ROS1: variants seen among roughly 807,000 people sequenced by gnomAD.
The protein encoded by ROS1 is proto-oncogene tyrosine-protein kinase ROS.
A neutral mutation model predicts 273.5 loss-of-function variants in ROS1; 263 were observed. The ratio of observed to expected loss-of-function variants is 0.96; its 90% confidence interval spans 0.87 to 1.06. The LOEUF (loss-of-function observed/expected upper bound fraction) is 1.06. Among genes scored for constraint, ROS1 ranks in the 50% least tolerant of loss-of-function variants. ROS1 has a pLI of 0.00. For synonymous variants in ROS1, 1,008 were observed against 954.1 expected (o/e 1.06, Z -1.04); for missense variants, 2,833 against 2,751.1 (o/e 1.03, Z -0.67).
chr6:117,312,064 C>A (rs1174133474), intron 39 of ROS1, among the ~76,000 whole-genome samples: 2 of 152,100 alleles, frequency 1.3e-5, no homozygotes, highest in African/African-American at 4.8e-5. Context: ...GCTGCACCAG[C>A]CTTTCTACAA....
intron 10 of ROS1, 30 bp downstream of exon 10, chr6:117,394,586 T>C (rs886637063): frequency 2.7e-6 from 4 of 1,498,380 alleles, no homozygotes; most frequent in East Asian, 2.3e-5. Flanking sequence ...CTTTTCACAC[T>C]AAGGAATCAT....
intron 27 of ROS1, among the ~76,000 whole-genome samples, chr6:117,349,138 T>C (rs1490452495): frequency 6.6e-6 from 1 of 152,010 alleles, no homozygotes; most frequent in Non-Finnish European, 1.5e-5. Context: ...CTTAGTGATT[T>C]TTTTTCTGCT....
At chr6:117,326,904 GT>G (rs1187549713) in intron 33 of ROS1, among the ~76,000 whole-genome samples, 1 of 152,120 alleles carries the variant, frequency 6.6e-6, no homozygotes, top group Non-Finnish European at 1.5e-5. Flanking sequence ...TCTGAGGCTC[GT>G]TGCTTCCTTT....
chr6:117,324,517 C>T (rs2128575602), intron 34 of ROS1, 102 bp from the exon 35 acceptor site: 1 of 594,768 alleles, frequency 1.7e-6, no homozygotes. Flanking sequence ...CTAGCTACTA[C>T]TGGATTTTTG....
chr6:117,388,562 T>C (rs886492610), intron 13 of ROS1, among the ~76,000 whole-genome samples: 2 of 152,220 alleles, frequency 1.3e-5, no homozygotes, highest in African/African-American at 4.8e-5. Flanking sequence ...CCACTGTTTC[T>C]GTAAATAAAG....
chr6:117,402,697 G>A (rs1369844532), intron 7 of ROS1, among the ~76,000 whole-genome samples: 1 of 152,098 alleles, frequency 6.6e-6, no homozygotes, highest in African/African-American at 2.4e-5. Context: ...AGACCAGCCT[G>A]GCCAGCATGG....
At position 117,288,563 on chromosome 6, in the gene ROS1, G is replaced by A. The variant is rs2128520668; in HGVS notation, c.6955C>T (p.Pro2319Ser). Residue 2319 changes from proline to serine, a missense_variant, in exon 44 of 44, where the codon CCT (proline) becomes TCT (serine). Transcript: ENST00000368507. ...FCQEKQVAYC[P>S]SGKPEGLNYA... The stretch of plus-strand genomic sequence containing the variant: ...TTCAGGCCTTCAGGCTTGCCAGAAG[G>A]GCAGTAAGCCACTTGTTTTTCTTGG... 4 of 1,614,140 alleles carry A rather than the reference G, an allele frequency of 2.5e-6. No individual in the cohort carries two copies. The highest frequency in any genetic ancestry group is 3.4e-6 in the Non-Finnish European group (4 of 1,180,018).
intron 2 of ROS1, among the ~76,000 whole-genome samples, chr6:117,418,027 T>C (rs1775464352): frequency 6.6e-6 from 1 of 152,228 alleles, no homozygotes; most frequent in African/African-American, 2.4e-5. Context: ...ATTTTTTTCA[T>C]TGTTAAGTTT....
At chr6:117,339,791 A>G (rs1364882499) in intron 31 of ROS1, among the ~76,000 whole-genome samples, 1 of 152,106 alleles carries the variant, frequency 6.6e-6, no homozygotes, top group East Asian at 1.9e-4. Flanking sequence ...CAACCAGGAG[A>G]TCTCTGTCTG....
chr6:117,318,166 G>C (rs1447534213), intron 38 of ROS1, 22 bp downstream of exon 38: 1 of 1,598,998 alleles, frequency 6.3e-7, no homozygotes, highest in Middle Eastern at 1.7e-4. Flanking sequence ...CCCATACCAG[G>C]AGAAAATTAT....
chr6:117,336,986 C>A (rs1562284927), intron 32 of ROS1, among the ~76,000 whole-genome samples, 186 bp downstream of exon 32: 1 of 152,018 alleles, frequency 6.6e-6, no homozygotes, highest in Non-Finnish European at 1.5e-5. Context: ...CCAGACCCAG[C>A]CAGTATTATT....
chr6:117,367,597 GACTAGGCCCC>G, intron 18 of ROS1, among the ~76,000 whole-genome samples: 1 of 152,166 alleles, frequency 6.6e-6, no homozygotes, highest in South Asian at 2.1e-4. Context: ...TTCTGAATGA[GACTAGGCCCC>G]ACTGGGAATT....
At chr6:117,421,204 A>G (rs922068636) in intron 1 of ROS1, among the ~76,000 whole-genome samples, 4 of 148,194 alleles carry the variant, frequency 2.7e-5, no homozygotes, top group Non-Finnish European at 5.9e-5. Context: ...GAATTGGAAT[A>G]CATATTATAT....
At chr6:117,374,803 GA>G (rs1170275493) in intron 18 of ROS1, among the ~76,000 whole-genome samples, 3 of 152,130 alleles carry the variant, frequency 2.0e-5, no homozygotes, top group African/African-American at 7.2e-5. Flanking sequence ...TCAAATAATA[GA>G]TGTTGGCATG....
Position 117,356,619 on chromosome 6 carries a change from A to G in ROS1, c.4126+10T>C, listed in dbSNP as rs752345746. ...TAACAAATATCTGTGCACATACATC[A>G]GCATCTTACCGAGCATAGCAGGTAC... On this transcript the variant is annotated intron_variant, in intron 26 of 43. Transcript: ENST00000368507. 2.5e-6 allele frequency: 4 copies of G among 1,604,624 alleles called. No individual in the cohort carries two copies. The Admixed American group carries it at 5.0e-5, about 20-fold the overall frequency.
intron 41 of ROS1, 82 bp from the exon 42 acceptor site, chr6:117,309,010 TG>T: frequency 7.1e-7 from 1 of 1,400,126 alleles, no homozygotes; most frequent in Non-Finnish European, 9.9e-7. Flanking sequence ...ACATTTTTCC[TG>T]GGGCTAGCAG....
chr6:117,361,807 T>C (rs2128653158), intron 22 of ROS1, among the ~76,000 whole-genome samples: 1 of 152,056 alleles, frequency 6.6e-6, no homozygotes, highest in Non-Finnish European at 1.5e-5. Context: ...GATGTTATTT[T>C]CCCCAAAAAG....
intron 43 of ROS1, among the ~76,000 whole-genome samples, chr6:117,297,683 C>T (rs948846769): frequency 2.0e-5 from 3 of 152,086 alleles, no homozygotes; most frequent in East Asian, 1.9e-4. Context: ...TCATCCTCCC[C>T]GAGTCAGAAT....
At chr6:117,359,695 C>G (rs952006449) in intron 24 of ROS1, 114 bp downstream of exon 24, 2 of 821,800 alleles carry the variant, frequency 2.4e-6, no homozygotes, top group Non-Finnish European at 3.9e-6. Flanking sequence ...AATATCTGTC[C>G]TTTTCATTCT....
Sources: allele counts gnomAD v4.1 joint callset (sites outside exome capture counted in the v4.1 genomes callset), GRCh38; gene constraint gnomAD v4.1.1; transcripts MANE v1.5; gene names NCBI Gene and HGNC (gene_info 2026-07-23, HGNC 2026-07-21).